The following NRCAM variants were observed in gnomAD, a reference collection of about 807,000 sequenced individuals.
The protein encoded by NRCAM is neuronal cell adhesion molecule, also known as NgCAM-related cell adhesion molecule.
NRCAM carries 83 observed loss-of-function variants against 156.5 expected under a neutral mutation model. That is an observed-to-expected ratio of 0.53 (90% confidence interval 0.44 to 0.64). The LOEUF (loss-of-function observed/expected upper bound fraction) is 0.64, where lower values mean the gene tolerates loss of function less well. Ranked by LOEUF, NRCAM falls within the 30% of genes least tolerant of loss-of-function variation. The pLI is 0.00. For synonymous variants in NRCAM, 538 were observed against 563.9 expected, an observed-to-expected ratio of 0.95 and a Z score of 0.65; for missense variants, 1,417 against 1,597.3, an observed-to-expected ratio of 0.89 and a Z score of 1.92.
At chr7:108,305,381 C>CT (rs1239595493) in intron 3 of NRCAM, among the ~76,000 whole-genome samples, 1 of 152,060 alleles carries the variant, frequency 6.6e-6, no homozygotes, top group African/African-American at 2.4e-5. Flanking sequence ...GTACTTTTGT[C>CT]TAGTCATATT....
At chr7:108,309,862 G>T (rs760248133) in intron 3 of NRCAM, among the ~76,000 whole-genome samples, 6 of 152,142 alleles carry the variant, frequency 3.9e-5, no homozygotes, top group African/African-American at 1.2e-4. Context: ...TCTCAAGAAA[G>T]AAATAAATTA....
At chr7:108,342,668 T>C (rs569203539) in intron 2 of NRCAM, among the ~76,000 whole-genome samples, 2 of 152,232 alleles carry the variant, frequency 1.3e-5, no homozygotes, top group Admixed American at 1.3e-4. Context: ...CTTACACAGG[T>C]CCAAGGGACA....
At chr7:108,443,487 GC>G (rs1223793116) in intron 1 of NRCAM, among the ~76,000 whole-genome samples, 9 of 152,148 alleles carry the variant, frequency 5.9e-5, no homozygotes, top group Non-Finnish European at 1.0e-4. Context: ...TTTTTACCCT[GC>G]CCCACTGAAG....
chr7:108,171,235 T>C lies in NRCAM; in HGVS notation c.3188-2833A>G, dbSNP rs371606427. Among the ~76,000 whole-genome samples, 136 of 152,098 alleles carry C rather than the reference T, an allele frequency of 8.9e-4. 1 individual carries two copies. The highest frequency in any genetic ancestry group is 7.2e-3 in the East Asian group (37 of 5,138). On this transcript the variant is annotated intron_variant, in intron 28 of 32. Coordinates refer to ENST00000379028, the MANE Select transcript of NRCAM (RefSeq NM_001037132.4). ...CCAACTGTAAGTCTTCCTCTGTAGA[T>C]ACCGCCAGTGTAGTTACCTACATTT... is the stretch of plus-strand genomic sequence containing the variant.
chr7:108,371,470 G>C (rs143920564), intron 2 of NRCAM, among the ~76,000 whole-genome samples: 2 of 152,110 alleles, frequency 1.3e-5, no homozygotes, highest in Non-Finnish European at 2.9e-5. Context: ...GCTATTGTAC[G>C]TAAATGTCTT....
chr7:108,274,673 C>T (rs1305239165), intron 3 of NRCAM, among the ~76,000 whole-genome samples: 3 of 152,250 alleles, frequency 2.0e-5, no homozygotes, highest in African/African-American at 7.2e-5. Flanking sequence ...TATACAGTCA[C>T]GTCATCTGCA....
chr7:108,396,751 CA>C (rs1483475718), intron 2 of NRCAM, among the ~76,000 whole-genome samples: 1 of 151,818 alleles, frequency 6.6e-6, no homozygotes, highest in Non-Finnish European at 1.5e-5. Flanking sequence ...TAAAAATGAA[CA>C]AAAAAGGTAA....
At position 108,181,820 on chromosome 7, in the gene NRCAM, G is replaced by A; in HGVS notation, c.2646+2C>T. On this transcript the variant is annotated splice_donor_variant, in intron 24 of 32. Transcript: ENST00000379028. LOFTEE classifies it low-confidence loss of function (GC_TO_GT_DONOR). ...AGCCACAAAAGGTCCCCTTTCACTT[G>A]CCCGATAGCCTTGTAGGTGTCCTCG... 1.2e-6 allele frequency: 2 copies of A among 1,609,702 alleles called. No homozygotes were observed. The highest frequency in any genetic ancestry group is 1.7e-6 in the Non-Finnish European group (2 of 1,176,252).
intron 1 of NRCAM, among the ~76,000 whole-genome samples, chr7:108,430,866 G>A (rs187602213): frequency 7.7e-4 from 117 of 152,168 alleles, no homozygotes; most frequent in Non-Finnish European, 1.4e-3. Context: ...CTTCAACAGC[G>A]TTTGGTAGCT....
At chr7:108,349,603 G>A (rs1165388159) in intron 2 of NRCAM, among the ~76,000 whole-genome samples, 1 of 152,004 alleles carries the variant, frequency 6.6e-6, no homozygotes, top group East Asian at 1.9e-4. Flanking sequence ...CTTAGTCAAG[G>A]AGCCAGCCTA....
At chr7:108,406,432 C>G (rs1308923525) in intron 1 of NRCAM, among the ~76,000 whole-genome samples, 1 of 152,190 alleles carries the variant, frequency 6.6e-6, no homozygotes, top group Non-Finnish European at 1.5e-5. Flanking sequence ...GGAGTTTCTA[C>G]TATACTTCAG....
chr7:108,411,470 T>C (rs946963486), intron 1 of NRCAM, among the ~76,000 whole-genome samples: 2 of 152,240 alleles, frequency 1.3e-5, no homozygotes, highest in African/African-American at 2.4e-5. Context: ...ATTTTACAAC[T>C]TACTTTTTAA....
intron 2 of NRCAM, among the ~76,000 whole-genome samples, chr7:108,329,289 G>C (rs749531919): frequency 2.0e-5 from 3 of 152,096 alleles, no homozygotes; most frequent in Non-Finnish European, 4.4e-5. Flanking sequence ...ATTTTCATTA[G>C]AGTGCATAAT....
chr7:108,398,417 C>A (rs918365550), intron 2 of NRCAM, among the ~76,000 whole-genome samples: 4 of 151,854 alleles, frequency 2.6e-5, no homozygotes, highest in African/African-American at 4.8e-5. Flanking sequence ...CAAAATGCAT[C>A]TTTCCCTCCT....
At chr7:108,219,534 G>A (rs1274437137) in intron 11 of NRCAM, among the ~76,000 whole-genome samples, 2 of 152,010 alleles carry the variant, frequency 1.3e-5, no homozygotes, top group African/African-American at 2.4e-5. Flanking sequence ...AGGGATGCAG[G>A]GATGGTTTAA....
chr7:108,442,002 G>A (rs1010268304), intron 1 of NRCAM, among the ~76,000 whole-genome samples: 9 of 152,154 alleles, frequency 5.9e-5, no homozygotes, highest in African/African-American at 1.9e-4. Flanking sequence ...AAATGGCAGG[G>A]ATTATTGTTA....
rs971851697 is a variant in NRCAM at position 108,149,870 on chromosome 7, A to C, written c.*40T>G. Reference sequence around the variant, plus strand: ...GCTGACAAACAAGTGCTTAGGATAAACATTCTAGAGAAATGGAATATTGGC... The same window carrying C: ...GCTGACAAACAAGTGCTTAGGATAACCATTCTAGAGAAATGGAATATTGGC... On this transcript the variant is annotated 3_prime_UTR_variant, in exon 33 of 33. Transcript: ENST00000379028. 2.0e-6 allele frequency: 3 copies of C among 1,532,240 alleles called. No individual in the cohort carries two copies. Among genetic ancestry groups the C allele is most frequent in the Non-Finnish European group, 8.9e-7 (1 of 1,121,070 alleles). 94.9% of individuals were successfully genotyped at this position (1,532,240 alleles called of 1,614,324 possible).
rs545820904 is a variant in NRCAM at position 108,290,686 on chromosome 7, A to G, written c.-107+21979T>C. Among the ~76,000 whole-genome samples, 8 of 152,344 alleles carry G rather than the reference A, an allele frequency of 5.3e-5. 1 individual carries two copies. The South Asian group carries it at 1.7e-3, about 32-fold the overall frequency. On this transcript the variant is annotated intron_variant, in intron 3 of 32. Transcript: ENST00000379028. ...ATAAAGAATTAAAGTTAAAACTTGA[A>G]AAAGATAATCAAAGAAAATGAACTG... is the stretch of plus-strand genomic sequence containing the variant.
chr7:108,386,770 T>G (rs1434691378), intron 2 of NRCAM, among the ~76,000 whole-genome samples: 1 of 152,142 alleles, frequency 6.6e-6, no homozygotes, highest in Non-Finnish European at 1.5e-5. Flanking sequence ...AGAAAATGAA[T>G]GTGGATATAG....
Sources: gnomAD v4.1 joint callset for allele counts (sites outside exome capture counted in the v4.1 genomes callset) on GRCh38, gnomAD v4.1.1 for gene constraint, MANE v1.5 for transcripts, NCBI Gene and HGNC (gene_info 2026-07-23, HGNC 2026-07-21) for gene names.